Variants in DISP3 observed in about 807,000 individuals in gnomAD.
DISP3 encodes the protein protein dispatched homolog 3.
A neutral mutation model predicts 135.3 loss-of-function variants in DISP3; 101 were observed. The observed-to-expected ratio is 0.75, with a 90% CI of 0.64 to 0.88. DISP3 has a LOEUF of 0.88. DISP3 is among the 40% of genes least tolerant of loss of function. The probability of loss-of-function intolerance (pLI) is 0.00; values close to 1 mark genes in which losing one functional copy is unlikely to be tolerated. For missense variants in DISP3, 1,713 were observed against 1,878.6 expected (o/e 0.91, Z 1.63); for synonymous variants, 856 against 817.0 (o/e 1.05, Z -0.81).
chr1:11,520,878 C>T lies in DISP3; in HGVS notation c.2362+30C>T. The stretch of plus-strand genomic sequence containing the variant: ...GGCTTCTAGCCAGGCTGTCCCTGGC[C>T]CGCTCAGGTGTCCGGGTCCCAAAGA... On this transcript the variant is annotated intron_variant, in intron 10 of 20. Coordinates refer to ENST00000294484, the MANE Select transcript of DISP3 (RefSeq NM_020780.2). This position sits in a 1 kb window ranked among gnomAD's most constrained non-coding sequence, Gnocchi z 4.8. 1 of 1,560,692 alleles carries T rather than the reference C, an allele frequency of 6.4e-7. No individual in the cohort carries two copies. The highest frequency in any genetic ancestry group is 8.7e-7 in the Non-Finnish European group (1 of 1,151,296).
chr1:11,510,853 G>GA (rs564571579), intron 3 of DISP3, among the ~76,000 whole-genome samples: 8 of 151,194 alleles, frequency 5.3e-5, no homozygotes, highest in South Asian at 2.1e-4. Flanking sequence ...AACTCGGAGA[G>GA]AAAAAAAAAG....
At chr1:11,489,044 C>G (rs999710300) in intron 1 of DISP3, among the ~76,000 whole-genome samples, 5 of 152,212 alleles carry the variant, frequency 3.3e-5, no homozygotes. Context: ...CTCACTGTGC[C>G]CCTTTCATCT....
chr1:11,530,958 C>G lies in DISP3; in HGVS notation c.3154C>G (p.Leu1052Val), dbSNP rs778972601. The change falls in exon 16 of 21, where the codon CTG becomes GTG. Residue 1052 changes from leucine (L) to valine (V), a missense_variant. By Grantham distance (32) the Leu-to-Val change is conservative. This residue lies in a region of DISP3 where 1,142 missense variants were observed against 1,384.6 expected (regional missense o/e 0.82). Coordinates refer to ENST00000294484, the MANE Select transcript of DISP3 (RefSeq NM_020780.2). ...SFDLFKEIGH[L>V]CHLCKAIAAN... ...TGACCTCTTCAAGGAAATTGGGCAC[C>G]TGTGTCACCTCTGCAAGGCCATCGC... 2 of 1,613,922 alleles carry G rather than the reference C, an allele frequency of 1.2e-6. No individual in the cohort carries two copies. The highest frequency in any genetic ancestry group is 1.7e-5 in the Admixed American group (1 of 59,992).
intron 1 of DISP3, among the ~76,000 whole-genome samples, chr1:11,494,397 C>T (rs1641272526): frequency 6.6e-6 from 1 of 152,158 alleles, no homozygotes; most frequent in African/African-American, 2.4e-5. Context: ...CCCGTTTCAC[C>T]ACCACATCTC....
chr1:11,527,531 G>A (rs1420218726), intron 13 of DISP3, among the ~76,000 whole-genome samples: 4 of 149,590 alleles, frequency 2.7e-5, no homozygotes, highest in Middle Eastern at 3.3e-3. Context: ...CTGGGCAACA[G>A]AGCGAGACTC....
chr1:11,509,412 A>G (rs1641793055), intron 3 of DISP3, among the ~76,000 whole-genome samples: 1 of 151,988 alleles, frequency 6.6e-6, no homozygotes, highest in African/African-American at 2.4e-5. Flanking sequence ...GATCAAGTTC[A>G]TTGATTGTGT....
chr1:11,502,084 C>T lies in DISP3; in HGVS notation c.1092C>T (p.Ile364=). 6.5e-7 allele frequency: 1 copy of T among 1,546,780 alleles called. No homozygotes were observed. Among genetic ancestry groups the T allele is most frequent in the Non-Finnish European group, 8.7e-7 (1 of 1,147,024 alleles). The change falls in exon 2 of 21, where the codon ATC becomes ATT. Residue 364 remains isoleucine (I), a synonymous_variant. Transcript: ENST00000294484. ...GCATGGGCCAGGACCTGGCGGACATCCGGGGTGAGCCGCCGGGATGCTGGG... is the reference window on the plus strand; with the variant it reads ...GCATGGGCCAGGACCTGGCGGACATTCGGGGTGAGCCGCCGGGATGCTGGG... ...YDGMGQDLAD[I]RGSLELAMTH... is the part of the protein sequence containing the mutation.
rs747603999 is a variant in DISP3, at chr1:11,514,496, G to T, written c.1423G>T (p.Ala475Ser). 1.2e-5 allele frequency: 19 copies of T among 1,614,106 alleles called. No homozygotes were observed. The highest frequency in any genetic ancestry group is 1.6e-5 in the Non-Finnish European group (19 of 1,180,002). ...CTTCATCAGCAGCAGCTGCATTGCTGCCCTGGTCTACATCCTCACCTCCTG... is the reference window on the plus strand; with the variant it reads ...CTTCATCAGCAGCAGCTGCATTGCTTCCCTGGTCTACATCCTCACCTCCTG... Reference protein sequence around the residue: ...LAFISSSCIAALVYILTSCSV... With the variant: ...LAFISSSCIASLVYILTSCSV... Residue 475 changes from alanine (A) to serine (S), a missense_variant, in exon 4 of 21, where the codon GCC (alanine) becomes TCC (serine). Ala to Ser is a moderately conservative substitution (Grantham distance 99). Transcript: ENST00000294484.
At chr1:11,488,302 G>C (rs1051864908) in intron 1 of DISP3, among the ~76,000 whole-genome samples, 1 of 152,176 alleles carries the variant, frequency 6.6e-6, no homozygotes, top group African/African-American at 2.4e-5. Context: ...ATTGTGGAGG[G>C]GGTGCTGAGG....
chr1:11,512,442 G>A (rs1641882679), intron 3 of DISP3, among the ~76,000 whole-genome samples: 1 of 152,068 alleles, frequency 6.6e-6, no homozygotes, highest in South Asian at 2.1e-4. Flanking sequence ...AGATCTCTAG[G>A]GCAGTAGCAA....
In DISP3 at chr1:11,531,139, T is replaced by C; in HGVS notation, c.3229+106T>C. 6.6e-7 allele frequency: 1 copy of C among 1,520,306 alleles called. No homozygotes were observed. Among genetic ancestry groups the C allele is most frequent in the Non-Finnish European group, 8.9e-7 (1 of 1,126,624 alleles). 94.2% of individuals were successfully genotyped at this position (1,520,306 alleles called of 1,614,324 possible). A position where few individuals can be genotyped will look rare whatever the true frequency, so the allele number is the denominator to read the frequency against. On this transcript the variant is annotated intron_variant, in intron 16 of 20. Transcript: ENST00000294484. The surrounding 1 kb of genome is among the most constrained non-coding windows in gnomAD (Gnocchi z 5.2). Reference sequence around the variant, plus strand: ...ACAGCCCGAAGGACAGTGTCTGGCATGTGGGGGTCTTTTGCAGATGTGTAT... The same window carrying C: ...ACAGCCCGAAGGACAGTGTCTGGCACGTGGGGGTCTTTTGCAGATGTGTAT...
In DISP3 at chr1:11,502,909, A is replaced by G; in HGVS notation, c.1316+12A>G. ...AAGCAGTCTACCAGGTAGGAAGTCC[A>G]GCTGCATCCTGTGTGTGCATGCCCA... On this transcript the variant is annotated intron_variant, in intron 3 of 20. Coordinates refer to ENST00000294484, the MANE Select transcript of DISP3 (RefSeq NM_020780.2). 1 of 1,602,316 alleles carries G rather than the reference A, an allele frequency of 6.2e-7. No homozygotes were observed. The highest frequency in any genetic ancestry group is 1.1e-5 in the South Asian group (1 of 89,814).
intron 1 of DISP3, among the ~76,000 whole-genome samples, chr1:11,492,161 C>T: frequency 6.8e-6 from 1 of 146,908 alleles, no homozygotes; most frequent in Non-Finnish European, 1.5e-5. Context: ...AATAATCGTA[C>T]TAGCTGCTCT....
At chr1:11,522,500 C>T (rs571710708) in intron 10 of DISP3, among the ~76,000 whole-genome samples, 42 of 152,314 alleles carry the variant, frequency 2.8e-4, no homozygotes, top group African/African-American at 9.9e-4. Context: ...GGACAAACCC[C>T]GAAGCTCCCT....
chr1:11,515,583 C>A, intron 5 of DISP3, 80 bp downstream of exon 5: 8 of 1,519,506 alleles, frequency 5.3e-6, no homozygotes, highest in Non-Finnish European at 7.1e-6. Context: ...GGATACAAAG[C>A]CTGGCTTCCC....
intron 13 of DISP3, 46 bp downstream of exon 13, chr1:11,526,881 T>C: frequency 6.4e-7 from 1 of 1,563,478 alleles, no homozygotes; most frequent in Non-Finnish European, 8.7e-7. Context: ...GCCCGGCTGC[T>C]TCTTTGCCCT....
chr1:11,482,512 G>A (rs1401063988), intron 1 of DISP3, among the ~76,000 whole-genome samples: 1 of 152,086 alleles, frequency 6.6e-6, no homozygotes, highest in Non-Finnish European at 1.5e-5. Flanking sequence ...TGTCCCTAAG[G>A]GCCATCAGTC....
At chr1:11,502,994 T>G in intron 3 of DISP3, 97 bp downstream of exon 3, 2 of 1,128,644 alleles carry the variant, frequency 1.8e-6, no homozygotes, top group South Asian at 3.2e-5. Context: ...TATAATCTTT[T>G]CCTTTGGAAG....
chr1:11,522,638 GAGCCCAGCCA>G lies in DISP3; in HGVS notation c.2363-1303_2363-1294del, dbSNP rs1557615096. Among the ~76,000 whole-genome samples, 677 of 129,214 alleles carry G rather than the reference GAGCCCAGCCA, an allele frequency of 5.2e-3. 78 individuals are homozygous for G. The highest frequency in any genetic ancestry group is 0.018 in the African/African-American group (626 of 34,170). 84.8% of individuals were successfully genotyped at this position (129,214 alleles called of 152,430 possible). A position where few individuals can be genotyped will look rare whatever the true frequency, so the allele number is the denominator to read the frequency against. On this transcript the variant is annotated intron_variant, in intron 10 of 20. Transcript: ENST00000294484. ...CCAGGACCCAGCCAGAGCCCAGCCA[GAGCCCAGCCA>G]GGGCCCAGCCAGAGCCCAGCCAGGA...
Sources: gnomAD v4.1 joint callset for allele counts (sites outside exome capture counted in the v4.1 genomes callset) on GRCh38, gnomAD v4.1.1 for gene constraint, gnomAD v4.1.1 regional missense constraint, Gnocchi (gnomAD v3.1) non-coding constraint, MANE v1.5 for transcripts, NCBI Gene and HGNC (gene_info 2026-07-23, HGNC 2026-07-21) for gene names.